The following CSMD2 variants were observed in gnomAD, a reference collection of about 807,000 sequenced individuals.
CSMD2 encodes the protein CUB and sushi domain-containing protein 2.
A neutral mutation model predicts 398.5 loss-of-function variants in CSMD2; 130 were observed. The observed-to-expected ratio is 0.33, with a 90% CI of 0.28 to 0.38. CSMD2 has a LOEUF of 0.38. CSMD2 is among the 10% of genes least tolerant of loss of function. The pLI, the probability that CSMD2 is intolerant of heterozygous loss-of-function variation, is 1.00. For synonymous variants in CSMD2, 1,828 were observed against 1,908.5 expected (o/e 0.96, Z 1.10); for missense variants, 3,829 against 4,764.9 (o/e 0.80, Z 5.78).
chr1:33,639,440 C>T (rs1374449518), intron 29 of CSMD2, among the ~76,000 whole-genome samples: 1 of 152,140 alleles, frequency 6.6e-6, no homozygotes, highest in Non-Finnish European at 1.5e-5. Context: ...CTTTTAATGC[C>T]ACCTTCTCTC....
chr1:34,110,765 G>C (rs997643391), intron 1 of CSMD2, among the ~76,000 whole-genome samples: 1 of 152,088 alleles, frequency 6.6e-6, no homozygotes, highest in Non-Finnish European at 1.5e-5. Flanking sequence ...CGGGAGGAGG[G>C]AGAGGATCCA....
chr1:33,960,354 AAC>A (rs1356004230), intron 3 of CSMD2, among the ~76,000 whole-genome samples: 3 of 152,176 alleles, frequency 2.0e-5, no homozygotes, highest in African/African-American at 7.2e-5. Context: ...TCAATTATTC[AAC>A]ACACAAAATC....
chr1:33,835,263 C>T (rs1488530992), intron 6 of CSMD2, among the ~76,000 whole-genome samples: 1 of 51,066 alleles, frequency 2.0e-5, no homozygotes, highest in Non-Finnish European at 3.0e-5. Context: ...AAGTGTCCAA[C>T]AATGATAGAC....
intron 25 of CSMD2, among the ~76,000 whole-genome samples, chr1:33,674,105 A>G (rs528791273): frequency 6.6e-6 from 1 of 152,328 alleles, no homozygotes; most frequent in South Asian, 2.1e-4. Context: ...ATTCACACAT[A>G]ACAATATTAA....
In CSMD2 at chr1:33,600,985, G is replaced by A. The variant is rs574119928; in HGVS notation, c.6736C>T (p.Arg2246Trp). 2.8e-5 allele frequency: 46 copies of A among 1,614,186 alleles called. No homozygotes were observed. The highest frequency in any genetic ancestry group is 1.6e-4 in the East Asian group (7 of 44,880). Residue 2246 changes from arginine (R) to tryptophan (W), a missense_variant, in exon 44 of 71, where the codon CGG (arginine) becomes TGG (tryptophan). Arg to Trp is a moderately radical substitution (Grantham distance 101). Around this residue, in one of 5 missense-constraint regions of CSMD2, gnomAD observed 723 missense variants for 758.6 expected, o/e 0.95. Coordinates refer to ENST00000373381, the MANE Select transcript of CSMD2 (RefSeq NM_001281956.2). ...IWDGPQQTAPRLGVFTRSMAK... is the reference protein window; with the variant it reads ...IWDGPQQTAPWLGVFTRSMAK... ...ATGCTCCGGGTGAAGACGCCGAGCC[G>A]TGGTGCTGTTTGCTGTGGCCCATCC...
intron 2 of CSMD2, among the ~76,000 whole-genome samples, chr1:34,050,124 G>T (rs373758670): frequency 6.6e-6 from 1 of 152,154 alleles, no homozygotes; most frequent in African/African-American, 2.4e-5. Flanking sequence ...CCCAGTCTAC[G>T]AGTATTTTCT....
At chr1:33,780,908 G>A (rs1652673753) in intron 12 of CSMD2, among the ~76,000 whole-genome samples, 1 of 152,214 alleles carries the variant, frequency 6.6e-6, no homozygotes, top group Non-Finnish European at 1.5e-5. Flanking sequence ...AGAAATAGAG[G>A]TGTACTGAAA....
chr1:34,016,912 T>A (rs4652980), intron 3 of CSMD2, among the ~76,000 whole-genome samples: 78,472 of 151,990 alleles, frequency 0.52, 21,266 homozygotes, highest in East Asian at 0.73. Flanking sequence ...AGGGCTATAT[T>A]GTATTTCACA....
chr1:33,676,727 A>T lies in CSMD2; in HGVS notation c.4053-13635T>A, dbSNP rs545342831. On this transcript the variant is annotated intron_variant, in intron 25 of 70. Coordinates refer to ENST00000373381, the MANE Select transcript of CSMD2 (RefSeq NM_001281956.2). ...TCAAACTATACTACAAGGCTACAGT[A>T]ACCAAAACAGCATGGTACTGGTACC... 3.9e-4 allele frequency among the ~76,000 whole-genome samples: 59 copies of T among 152,360 alleles called. No homozygotes were observed. In the South Asian group the frequency reaches 4.8e-3, roughly 12 times the overall value.
chr1:33,984,427 T>A (rs1396146888), intron 3 of CSMD2, among the ~76,000 whole-genome samples: 1 of 152,170 alleles, frequency 6.6e-6, no homozygotes, highest in Admixed American at 6.5e-5. Context: ...GCTTCTCAGA[T>A]CACACTCAAA....
chr1:33,693,165 C>G lies in CSMD2; in HGVS notation c.3926-109G>C, dbSNP rs185903395. ...TCTTGAGTCCCTTCCCTCTCCCATT[C>G]ATTTCAAGTGATTGAGCACAGCATA... On this transcript the variant is annotated intron_variant, in intron 24 of 70. Transcript: ENST00000373381. 14 of 1,285,730 alleles carry G rather than the reference C, an allele frequency of 1.1e-5. No individual in the cohort carries two copies. In the East Asian group the frequency reaches 3.4e-4, roughly 31 times the overall value. 79.6% of individuals were successfully genotyped at this position (1,285,730 alleles called of 1,614,324 possible).
intron 25 of CSMD2, among the ~76,000 whole-genome samples, chr1:33,674,205 G>A (rs1253626496): frequency 6.6e-6 from 1 of 152,110 alleles, no homozygotes; most frequent in Non-Finnish European, 1.5e-5. Flanking sequence ...GCTGTATTCA[G>A]GAAACCTATC....
chr1:33,693,450 G>A (rs150558300), intron 24 of CSMD2, among the ~76,000 whole-genome samples: 33 of 152,270 alleles, frequency 2.2e-4, no homozygotes, highest in African/African-American at 6.3e-4. Flanking sequence ...CTATACAAGC[G>A]TAGGTGGGGA....
intron 3 of CSMD2, among the ~76,000 whole-genome samples, chr1:33,943,602 GACCCC>G (rs1399218006): frequency 6.6e-6 from 1 of 152,010 alleles, no homozygotes; most frequent in Non-Finnish European, 1.5e-5. Context: ...GGTTTTTTTG[GACCCC>G]ATCTAAGGAG....
chr1:34,109,749 A>T (rs1660861188), intron 1 of CSMD2, among the ~76,000 whole-genome samples: 1 of 152,120 alleles, frequency 6.6e-6, no homozygotes, highest in Non-Finnish European at 1.5e-5. Flanking sequence ...CCAAAAGAAG[A>T]CATATATGAG....
At chr1:33,579,642 G>A (rs1184743369) in intron 48 of CSMD2, among the ~76,000 whole-genome samples, 1 of 151,774 alleles carries the variant, frequency 6.6e-6, no homozygotes, top group African/African-American at 2.4e-5. Context: ...TTCAGGCACT[G>A]AATTTGACAT....
In CSMD2 at chr1:33,533,030, C is replaced by A; in HGVS notation, c.10171+20G>T. ...TTCAGCCTCCCGCCCTGGAGAGCTT[C>A]CCCGAGCAGGCACACTCACCCAGGC... is the stretch of plus-strand genomic sequence containing the variant. On this transcript the variant is annotated intron_variant, in intron 64 of 70. Transcript: ENST00000373381. The surrounding 1 kb of genome is among the most constrained non-coding windows in gnomAD (Gnocchi z 4.2). 1.3e-6 allele frequency: 2 copies of A among 1,587,278 alleles called. No homozygotes were observed. The highest frequency in any genetic ancestry group is 1.7e-6 in the Non-Finnish European group (2 of 1,164,654).
chr1:34,011,167 C>T (rs1647281148), intron 3 of CSMD2, among the ~76,000 whole-genome samples: 1 of 152,214 alleles, frequency 6.6e-6, no homozygotes, highest in South Asian at 2.1e-4. Context: ...CAGGGAGAGG[C>T]TGCCTGTGCT....
intron 5 of CSMD2, among the ~76,000 whole-genome samples, chr1:33,853,779 A>T (rs1230021996): frequency 6.6e-6 from 1 of 152,214 alleles, no homozygotes; most frequent in African/African-American, 2.4e-5. Flanking sequence ...AGGGTGGGTT[A>T]AGAACACTTT....
Sources: allele counts gnomAD v4.1 joint callset (sites outside exome capture counted in the v4.1 genomes callset), GRCh38; gene constraint gnomAD v4.1.1; regional missense constraint gnomAD v4.1.1; non-coding constraint Gnocchi (gnomAD v3.1); transcripts MANE v1.5; gene names NCBI Gene and HGNC (gene_info 2026-07-23, HGNC 2026-07-21).